PTPRG: variants seen among roughly 807,000 people sequenced by gnomAD.
PTPRG encodes the protein protein tyrosine phosphatase receptor type G.
In PTPRG, 102 loss-of-function variants were observed where a neutral mutation model predicts 165.3. That is an observed-to-expected ratio of 0.62 (90% CI 0.53 to 0.73). PTPRG has a LOEUF of 0.73. Among genes scored for constraint, PTPRG ranks in the 30% least tolerant of loss-of-function variants. PTPRG has a pLI of 0.00. For missense variants in PTPRG, 1,866 were observed against 1,861.4 expected, an observed-to-expected ratio of 1.00 and a Z score of -0.05; for synonymous variants, 675 against 669.5, an observed-to-expected ratio of 1.01 and a Z score of -0.13.
intron 15 of PTPRG, among the ~76,000 whole-genome samples, chr3:62,249,709 A>T (rs1701367653): frequency 6.6e-6 from 1 of 152,186 alleles, no homozygotes; most frequent in Non-Finnish European, 1.5e-5. Flanking sequence ...GGTAAATGCC[A>T]TTAACAATTT....
intron 2 of PTPRG, among the ~76,000 whole-genome samples, chr3:61,857,310 T>A (rs913246049): frequency 3.3e-5 from 5 of 152,210 alleles, no homozygotes; most frequent in African/African-American, 4.8e-5. Flanking sequence ...CCACCTCTTG[T>A]GAATTCATAT....
chr3:62,063,737 G>A (rs1156765030), intron 4 of PTPRG, among the ~76,000 whole-genome samples: 1 of 152,002 alleles, frequency 6.6e-6, no homozygotes, highest in African/African-American at 2.4e-5. Flanking sequence ...TGCTGGCTTC[G>A]AGCAATCCTC....
rs545447288 is a variant in PTPRG, at chr3:61,834,129, G to A, written c.190+85147G>A. Among the ~76,000 whole-genome samples the A allele has an allele frequency of 7.2e-5, 11 of 152,232 alleles. No individual in the cohort carries two copies. In the South Asian group the frequency reaches 1.7e-3, roughly 23 times the overall value. On this transcript the variant is annotated intron_variant, in intron 2 of 29. Coordinates refer to ENST00000474889, the MANE Select transcript of PTPRG (RefSeq NM_002841.4). ...ATTTGTCAAAGAACACATTTGCCTT[G>A]GAAGGATGTTTGTTACAGCATCTTT...
At chr3:62,109,929 C>G (rs925708015) in intron 5 of PTPRG, among the ~76,000 whole-genome samples, 3 of 152,112 alleles carry the variant, frequency 2.0e-5, no homozygotes, top group African/African-American at 7.2e-5. Context: ...TAAACCATCA[C>G]CAGCACACCC....
intron 5 of PTPRG, 61 bp downstream of exon 5, chr3:62,078,319 G>T (rs928446627): frequency 5.8e-6 from 7 of 1,202,382 alleles, no homozygotes; most frequent in Admixed American, 2.3e-5. Flanking sequence ...TTAATTTGCC[G>T]AATTGTTCCA....
rs565343250 is a variant in PTPRG at position 62,162,296 on chromosome 3, C to G, written c.840+5072C>G. ...TTTGCAATTCAAGGTTAAAATTGTT[C>G]TTGAAACAGCACCAGTTAAACTGCA... is the stretch of plus-strand genomic sequence containing the variant. On this transcript the variant is annotated intron_variant, in intron 7 of 29. Coordinates refer to ENST00000474889, the MANE Select transcript of PTPRG (RefSeq NM_002841.4). Among the ~76,000 whole-genome samples, 5 of 151,000 alleles carry G rather than the reference C, an allele frequency of 3.3e-5. No homozygotes were observed. In the East Asian group the frequency reaches 9.7e-4, roughly 29 times the overall value.
chr3:61,890,654 A>C (rs1320409910), intron 2 of PTPRG, among the ~76,000 whole-genome samples: 1 of 151,920 alleles, frequency 6.6e-6, no homozygotes, highest in Non-Finnish European at 1.5e-5. Context: ...TCCACCTCCA[A>C]CTGCTGAATT....
chr3:61,945,712 T>C (rs539639740), intron 2 of PTPRG, among the ~76,000 whole-genome samples: 2 of 152,312 alleles, frequency 1.3e-5, no homozygotes, highest in Non-Finnish European at 2.9e-5. Flanking sequence ...ATATGTCATC[T>C]GTACTTAAGT....
chr3:61,961,790 T>A (rs1478874269), intron 2 of PTPRG, among the ~76,000 whole-genome samples: 1 of 152,148 alleles, frequency 6.6e-6, no homozygotes, highest in Non-Finnish European at 1.5e-5. Flanking sequence ...AGGGGACTTG[T>A]AAGAAACACC....
At chr3:61,619,485 G>T (rs1205650865) in intron 1 of PTPRG, among the ~76,000 whole-genome samples, 1 of 152,204 alleles carries the variant, frequency 6.6e-6, no homozygotes, top group African/African-American at 2.4e-5. Context: ...ATGCTGCTGG[G>T]CATCCAGTAG....
At chr3:62,234,672 T>C (rs1467530973) in intron 14 of PTPRG, among the ~76,000 whole-genome samples, 1 of 152,194 alleles carries the variant, frequency 6.6e-6, no homozygotes, top group African/African-American at 2.4e-5. Flanking sequence ...TGAAGAGAGA[T>C]AATCCCTTGG....
At chr3:61,608,139 G>A (rs1053877355) in intron 1 of PTPRG, among the ~76,000 whole-genome samples, 3 of 151,482 alleles carry the variant, frequency 2.0e-5, no homozygotes, top group African/African-American at 4.8e-5. Flanking sequence ...AAGGCTTATC[G>A]GGGATGCTGT....
At chr3:61,928,274 C>T (rs913492788) in intron 2 of PTPRG, among the ~76,000 whole-genome samples, 2 of 152,168 alleles carry the variant, frequency 1.3e-5, no homozygotes, top group African/African-American at 4.8e-5. Context: ...GTGTGAAATA[C>T]AGCATGCCTA....
intron 2 of PTPRG, among the ~76,000 whole-genome samples, chr3:61,767,107 G>A (rs1037049435): frequency 2.6e-5 from 4 of 151,590 alleles, no homozygotes; most frequent in African/African-American, 9.7e-5. Context: ...AGCTGGGCGT[G>A]GTGGTGCACG....
chr3:62,126,203 G>T (rs1037884619), intron 5 of PTPRG, among the ~76,000 whole-genome samples: 1 of 152,210 alleles, frequency 6.6e-6, no homozygotes, highest in Non-Finnish European at 1.5e-5. Flanking sequence ...TCCAAGCCAA[G>T]TCTGACAATG....
intron 2 of PTPRG, among the ~76,000 whole-genome samples, chr3:61,783,120 ATTCCATT>A (rs1228147436): frequency 6.6e-6 from 1 of 152,158 alleles, no homozygotes; most frequent in Non-Finnish European, 1.5e-5. Context: ...TTGGTTGAGT[ATTCCATT>A]TGTAATTCAC....
At chr3:61,920,499 A>T (rs981901001) in intron 2 of PTPRG, among the ~76,000 whole-genome samples, 3 of 152,096 alleles carry the variant, frequency 2.0e-5, no homozygotes, top group African/African-American at 7.2e-5. Flanking sequence ...GGGTTCAAGT[A>T]ATTCTCCTGC....
At chr3:61,621,932 A>G (rs146702337) in intron 1 of PTPRG, among the ~76,000 whole-genome samples, 6 of 152,330 alleles carry the variant, frequency 3.9e-5, no homozygotes, top group East Asian at 1.9e-4. Flanking sequence ...CATTGTGTAC[A>G]TGCCCATTTA....
intron 3 of PTPRG, among the ~76,000 whole-genome samples, chr3:62,002,417 T>TTGAATGAA (rs201708887): frequency 6.6e-6 from 1 of 152,218 alleles, no homozygotes; most frequent in Admixed American, 6.5e-5. Context: ...TAAGTATTTA[T>TTGAATGAA]TGAATGAATG....
Sources: allele counts gnomAD v4.1 joint callset (sites outside exome capture counted in the v4.1 genomes callset), GRCh38; gene constraint gnomAD v4.1.1; transcripts MANE v1.5; gene names NCBI Gene and HGNC (gene_info 2026-07-23, HGNC 2026-07-21).